The following CLDN10 variants were observed in gnomAD, a reference collection of about 807,000 sequenced individuals.
CLDN10 encodes the protein claudin-10.
Under a neutral mutation model 22.9 loss-of-function variants are expected in CLDN10, and 15 were observed. That is an observed-to-expected ratio of 0.65 (90% CI 0.44 to 1.01). The LOEUF (loss-of-function observed/expected upper bound fraction) is 1.01, where lower values mean the gene tolerates loss of function less well. Ranked by LOEUF, CLDN10 falls within the 50% of genes least tolerant of loss-of-function variation. The pLI is 0.00. For synonymous variants in CLDN10, 114 were observed against 111.4 expected, an observed-to-expected ratio of 1.02 and a Z score of -0.15; for missense variants, 247 against 287.8, an observed-to-expected ratio of 0.86 and a Z score of 1.03.
At chr13:95,526,810 A>G (rs1481960332) in intron 1 of CLDN10, among the ~76,000 whole-genome samples, 3 of 151,840 alleles carry the variant, frequency 2.0e-5, no homozygotes, top group African/African-American at 7.3e-5. Flanking sequence ...AAATAAATAA[A>G]TAAATAAATA....
chr13:95,550,820 C>CTTTT (rs56225257), upstream of CLDN10, among the ~76,000 whole-genome samples: 1 of 85,530 alleles, frequency 1.2e-5, no homozygotes, highest in Non-Finnish European at 2.1e-5. Flanking sequence ...TAGGAAGATA[C>CTTTT]TTTTTTTTTT....
chr13:95,443,823 A>C (rs539114315), intron 1 of CLDN10, among the ~76,000 whole-genome samples: 46 of 152,256 alleles, frequency 3.0e-4, no homozygotes, highest in Middle Eastern at 3.4e-3. Flanking sequence ...GTCATTTGCT[A>C]TCTGTAATAA....
intron 3 of CLDN10, among the ~76,000 whole-genome samples, chr13:95,567,483 C>G (rs2043801551): frequency 6.6e-6 from 1 of 152,170 alleles, no homozygotes; most frequent in Non-Finnish European, 1.5e-5. Flanking sequence ...TATCCTGAAA[C>G]TTGGCTGAAG....
chr13:95,536,226 A>T (rs773631459), intron 1 of CLDN10, among the ~76,000 whole-genome samples: 2 of 152,140 alleles, frequency 1.3e-5, no homozygotes, highest in Non-Finnish European at 2.9e-5. Flanking sequence ...CTAAGCAGAA[A>T]GATCACCTGA....
At chr13:95,439,348 A>ATTT (rs145433121) in intron 1 of CLDN10, among the ~76,000 whole-genome samples, 5 of 148,724 alleles carry the variant, frequency 3.4e-5, no homozygotes, top group South Asian at 2.1e-4. Context: ...TTATGTTATT[A>ATTT]TTATTTTTTT....
At chr13:95,562,644 T>G (rs1246520515) in intron 3 of CLDN10, among the ~76,000 whole-genome samples, 3 of 152,256 alleles carry the variant, frequency 2.0e-5, no homozygotes, top group Non-Finnish European at 4.4e-5. Flanking sequence ...AATATTGTAT[T>G]TAAATGATAC....
intron 3 of CLDN10, among the ~76,000 whole-genome samples, chr13:95,562,750 C>T (rs188165597): frequency 5.5e-4 from 84 of 152,276 alleles, no homozygotes; most frequent in Admixed American, 4.1e-3. Context: ...TCCGCATTAT[C>T]TTTTCTATAT....
intron 1 of CLDN10, among the ~76,000 whole-genome samples, chr13:95,465,377 C>T (rs1464349718): frequency 6.6e-6 from 1 of 152,124 alleles, no homozygotes; most frequent in Non-Finnish European, 1.5e-5. Flanking sequence ...TACCATGCCC[C>T]GCTGATACTG....
At chr13:95,577,816 A>G in intron 4 of CLDN10, 84 bp from the exon 5 acceptor site, 1 of 772,082 alleles carries the variant, frequency 1.3e-6, no homozygotes, top group Admixed American at 2.4e-5. Flanking sequence ...AGATATTGGC[A>G]GAGACAGGCC....
At chr13:95,453,520 T>TA (rs2042452125) in intron 1 of CLDN10, among the ~76,000 whole-genome samples, 1 of 151,868 alleles carries the variant, frequency 6.6e-6, no homozygotes, top group East Asian at 1.9e-4. Flanking sequence ...CCATCTCTAC[T>TA]AAAAATACAA....
chr13:95,536,151 CTT>C (rs2043397841), intron 1 of CLDN10, among the ~76,000 whole-genome samples: 1 of 147,028 alleles, frequency 6.8e-6, no homozygotes, highest in African/African-American at 2.5e-5. Flanking sequence ...CTCAAGATAT[CTT>C]TAAATACATT....
chr13:95,534,904 A>G (rs2043384163), intron 1 of CLDN10, among the ~76,000 whole-genome samples: 1 of 152,234 alleles, frequency 6.6e-6, no homozygotes, highest in Admixed American at 6.5e-5. Flanking sequence ...CTCACAGCTC[A>G]GCAGGGACAT....
intron 1 of CLDN10, among the ~76,000 whole-genome samples, chr13:95,469,322 C>A (rs956357705): frequency 6.6e-6 from 1 of 152,160 alleles, no homozygotes; most frequent in African/African-American, 2.4e-5. Flanking sequence ...TAAGTTTCTG[C>A]GAATTCAGGG....
At chr13:95,457,208 T>C (rs1331137769) in intron 1 of CLDN10, among the ~76,000 whole-genome samples, 1 of 152,162 alleles carries the variant, frequency 6.6e-6, no homozygotes, top group Non-Finnish European at 1.5e-5. Flanking sequence ...CAGATCCAAT[T>C]CCTAGTCCAT....
intron 1 of CLDN10, among the ~76,000 whole-genome samples, chr13:95,492,354 G>T (rs1236562631): frequency 6.6e-6 from 1 of 151,700 alleles, no homozygotes; most frequent in Admixed American, 6.6e-5. Flanking sequence ...TGCTGTGGGG[G>T]ATGGGGGTGG....
chr13:95,539,740 A>G (rs1282375513), intron 1 of CLDN10, among the ~76,000 whole-genome samples: 1 of 152,236 alleles, frequency 6.6e-6, no homozygotes, highest in Non-Finnish European at 1.5e-5. Flanking sequence ...TGTGGAATGA[A>G]GAAGGCACTC....
chr13:95,485,427 A>T (rs2042795323), intron 1 of CLDN10, among the ~76,000 whole-genome samples: 1 of 152,124 alleles, frequency 6.6e-6, no homozygotes, highest in Non-Finnish European at 1.5e-5. Flanking sequence ...TTTGAATCTT[A>T]ATTTCAGGCC....
intron 1 of CLDN10, chr13:95,533,758 G>A (rs1451101653): frequency 2.0e-5 from 3 of 152,262 alleles, no homozygotes; most frequent in Non-Finnish European, 4.4e-5. Flanking sequence ...CAGGCCTGCG[G>A]GCAATGCAGG....
At chr13:95,491,679 C>A (rs894011472) in intron 1 of CLDN10, among the ~76,000 whole-genome samples, 2 of 151,870 alleles carry the variant, frequency 1.3e-5, no homozygotes, top group Non-Finnish European at 2.9e-5. Flanking sequence ...TCCGGGATTT[C>A]TTCTTGGTTT....
Sources: allele counts gnomAD v4.1 joint callset (sites outside exome capture counted in the v4.1 genomes callset), GRCh38; gene constraint gnomAD v4.1.1; transcripts MANE v1.5; gene names NCBI Gene and HGNC (gene_info 2026-07-23, HGNC 2026-07-21).